The following HTRA1 variants were observed in gnomAD, a reference collection of about 807,000 sequenced individuals.
HTRA1 encodes serine protease HTRA1.
Under a neutral mutation model 49.7 loss-of-function variants are expected in HTRA1, and 26 were observed. That is an observed-to-expected ratio of 0.52 (90% CI 0.38 to 0.73). HTRA1 has a LOEUF of 0.73. Ranked by LOEUF, HTRA1 falls within the 30% of genes least tolerant of loss-of-function variation. The probability of loss-of-function intolerance (pLI) is 0.00; values close to 1 mark genes in which losing one functional copy is unlikely to be tolerated. For missense variants in HTRA1, 561 were observed against 667.2 expected (o/e 0.84, Z 1.75); for synonymous variants, 291 against 286.9 (o/e 1.01, Z -0.14).
intron 3 of HTRA1, among the ~76,000 whole-genome samples, chr10:122,504,184 C>A (rs961373748): frequency 6.6e-6 from 1 of 152,164 alleles, no homozygotes; most frequent in Non-Finnish European, 1.5e-5. Context: ...CCTGGGGGCT[C>A]CCCCGCCCCA....
At chr10:122,466,250 C>A (rs958652421) in intron 1 of HTRA1, among the ~76,000 whole-genome samples, 2 of 152,152 alleles carry the variant, frequency 1.3e-5, no homozygotes, top group African/African-American at 4.8e-5. Context: ...ACTGCAAGCT[C>A]CACCTCCCGG....
At chr10:122,492,649 T>G (rs2097496442) in intron 3 of HTRA1, among the ~76,000 whole-genome samples, 2 of 152,214 alleles carry the variant, frequency 1.3e-5, no homozygotes, top group African/African-American at 4.8e-5. Flanking sequence ...CGTGATATTC[T>G]TGAGACTTTC....
intron 1 of HTRA1, among the ~76,000 whole-genome samples, chr10:122,467,382 T>C (rs1334941286): frequency 6.6e-6 from 1 of 152,186 alleles, no homozygotes; most frequent in Non-Finnish European, 1.5e-5. Flanking sequence ...ATTGGGCCAG[T>C]TGATCTCTGA....
chr10:122,476,768 C>T (rs1239794014), intron 1 of HTRA1, among the ~76,000 whole-genome samples: 9 of 152,078 alleles, frequency 5.9e-5, no homozygotes, highest in East Asian at 1.9e-4. Context: ...GGGATGGTTG[C>T]GCTTGCATCC....
In HTRA1 at chr10:122,506,786, A is replaced by G; in HGVS notation, c.873A>G (p.Thr291=). The G allele has an allele frequency of 1.2e-6, 2 of 1,613,850 alleles. No individual in the cohort carries two copies. Among genetic ancestry groups the G allele is most frequent in the Non-Finnish European group, 1.7e-6 (2 of 1,179,984 alleles). The stretch of plus-strand genomic sequence containing the variant: ...GAAGCCCGTTTTCCCTTCAAAACAC[A>G]GTCACCACCGGGATCGTGAGCACCA... ...AIGSPFSLQN[T]VTTGIVSTTQ... The change falls in exon 4 of 9, where the codon ACA becomes ACG. Residue 291 remains threonine, a synonymous_variant. Coordinates refer to ENST00000368984, the MANE Select transcript of HTRA1 (RefSeq NM_002775.5). The surrounding 1 kb of genome is among the most constrained non-coding windows in gnomAD (Gnocchi z 5.2).
intron 3 of HTRA1, among the ~76,000 whole-genome samples, chr10:122,499,695 A>T (rs1675501657): frequency 6.6e-6 from 1 of 152,236 alleles, no homozygotes. Context: ...TCCTTAGGAG[A>T]CATGCAAGTT....
At position 122,511,883 on chromosome 10, in the gene HTRA1, A is replaced by G. The variant is rs1002218437; in HGVS notation, c.1179-87A>G. On this transcript the variant is annotated intron_variant, in intron 7 of 8. Coordinates refer to ENST00000368984, the MANE Select transcript of HTRA1 (RefSeq NM_002775.5). Reference sequence around the variant, plus strand: ...GGAATTTTACCTTAGACCTAAGGAGAAGACGGGAACTGGTGAGAGCTGAGT... The same window carrying G: ...GGAATTTTACCTTAGACCTAAGGAGGAGACGGGAACTGGTGAGAGCTGAGT... 3.2e-5 allele frequency: 29 copies of G among 913,748 alleles called. No homozygotes were observed. In the African/African-American group the frequency reaches 4.4e-4, roughly 14 times the overall value. The allele number at this position is 913,748 out of a possible 1,614,324, so 56.6% of individuals were successfully genotyped here. A position where few individuals can be genotyped will look rare whatever the true frequency, so the allele number is the denominator to read the frequency against.
At chr10:122,507,742 G>A (rs2097503779) in intron 5 of HTRA1, among the ~76,000 whole-genome samples, 1 of 152,170 alleles carries the variant, frequency 6.6e-6, no homozygotes, top group Non-Finnish European at 1.5e-5. Flanking sequence ...ATGCTGGCCA[G>A]TCACCGAAAG....
At chr10:122,468,021 G>A (rs2097484465) in intron 1 of HTRA1, among the ~76,000 whole-genome samples, 1 of 152,178 alleles carries the variant, frequency 6.6e-6, no homozygotes, top group African/African-American at 2.4e-5. Context: ...AGTTTTTGGA[G>A]TCAGTGCTGA....
intron 1 of HTRA1, among the ~76,000 whole-genome samples, chr10:122,470,997 G>T (rs12252027): frequency 0.17 from 26,369 of 152,038 alleles, 3,228 homozygotes; most frequent in African/African-American, 0.34. Flanking sequence ...GGGCAGATGC[G>T]TTGGTCCAGA....
chr10:122,492,640 G>C (rs1048223968), intron 3 of HTRA1, among the ~76,000 whole-genome samples: 1 of 152,148 alleles, frequency 6.6e-6, no homozygotes, highest in African/African-American at 2.4e-5. Context: ...GGCTGTAAAC[G>C]TGATATTCTT....
chr10:122,495,353 C>T (rs566770848), intron 3 of HTRA1, among the ~76,000 whole-genome samples: 1 of 152,184 alleles, frequency 6.6e-6, no homozygotes, highest in Admixed American at 6.5e-5. Flanking sequence ...ACGGTGTTGA[C>T]GTTATGAGGC....
chr10:122,465,561 A>T (rs1314317146), intron 1 of HTRA1, among the ~76,000 whole-genome samples: 1 of 152,170 alleles, frequency 6.6e-6, no homozygotes, highest in Non-Finnish European at 1.5e-5. Flanking sequence ...CAGAGATTTT[A>T]AACCAACCCC....
intron 1 of HTRA1, among the ~76,000 whole-genome samples, chr10:122,477,207 T>TCTGC (rs1161308330): frequency 2.6e-5 from 4 of 152,148 alleles, no homozygotes; most frequent in Non-Finnish European, 5.9e-5. Flanking sequence ...GACCTCATGA[T>TCTGC]CTGCCCACCT....
At position 122,507,365 on chromosome 10, in the gene HTRA1, T is replaced by C. The variant is rs1385719284; in HGVS notation, c.973-5T>C. ...TGTAACCTTTTCATTTCTGTTTAATTGCAGTATGGAAACTCGGGAGGCCCG... is the reference window on the plus strand; with the variant it reads ...TGTAACCTTTTCATTTCTGTTTAATCGCAGTATGGAAACTCGGGAGGCCCG... On this transcript the variant is annotated splice_polypyrimidine_tract_variant and splice_region_variant and intron_variant, in intron 4 of 8. Transcript: ENST00000368984. 4.3e-6 allele frequency: 7 copies of C among 1,609,950 alleles called. No homozygotes were observed. The highest frequency in any genetic ancestry group is 2.2e-5 in the East Asian group (1 of 44,880).
intron 1 of HTRA1, among the ~76,000 whole-genome samples, chr10:122,484,671 T>C (rs2097492358): frequency 6.6e-6 from 1 of 152,120 alleles, no homozygotes; most frequent in African/African-American, 2.4e-5. Context: ...AGAAAACACA[T>C]TGAGGTAGGT....
At chr10:122,481,638 C>G (rs1013176979) in intron 1 of HTRA1, among the ~76,000 whole-genome samples, 1 of 152,224 alleles carries the variant, frequency 6.6e-6, no homozygotes, top group Non-Finnish European at 1.5e-5. Flanking sequence ...GGTTCCCAAA[C>G]TGTCATGATT....
At chr10:122,471,324 A>G (rs898898794) in intron 1 of HTRA1, among the ~76,000 whole-genome samples, 4 of 152,122 alleles carry the variant, frequency 2.6e-5, no homozygotes, top group Non-Finnish European at 4.4e-5. Flanking sequence ...TCTGGGAAGG[A>G]CCATGTGCCT....
chr10:122,468,909 C>T (rs1591024777), intron 1 of HTRA1, among the ~76,000 whole-genome samples: 1 of 152,170 alleles, frequency 6.6e-6, no homozygotes, highest in Admixed American at 6.5e-5. Context: ...GAAAAAAAGG[C>T]AAATTTGGGA....
Sources: gnomAD v4.1 joint callset for allele counts (sites outside exome capture counted in the v4.1 genomes callset) on GRCh38, gnomAD v4.1.1 for gene constraint, Gnocchi (gnomAD v3.1) non-coding constraint, MANE v1.5 for transcripts, NCBI Gene and HGNC (gene_info 2026-07-23, HGNC 2026-07-21) for gene names.